ADAMTSL3: variants seen among roughly 807,000 people sequenced by gnomAD.
ADAMTSL3 encodes ADAMTS like 3.
A neutral mutation model predicts 201.7 loss-of-function variants in ADAMTSL3; 128 were observed. That is an observed-to-expected ratio of 0.63 (90% CI 0.55 to 0.73). The LOEUF (loss-of-function observed/expected upper bound fraction) is 0.73. ADAMTSL3 is among the 30% of genes least tolerant of loss of function. ADAMTSL3 has a pLI of 0.00. For missense variants in ADAMTSL3, 1,990 were observed against 2,119.6 expected (o/e 0.94, Z 1.20); for synonymous variants, 738 against 748.4 (o/e 0.99, Z 0.23).
At chr15:83,673,152 T>C (rs1432369146) in intron 2 of ADAMTSL3, among the ~76,000 whole-genome samples, 1 of 152,252 alleles carries the variant, frequency 6.6e-6, no homozygotes, top group Admixed American at 6.5e-5. Context: ...GTGAGAGGGC[T>C]GTTCACCTAG....
At chr15:84,016,869 C>G (rs1340343340) in intron 25 of ADAMTSL3, among the ~76,000 whole-genome samples, 2 of 152,008 alleles carry the variant, frequency 1.3e-5, no homozygotes, top group African/African-American at 4.8e-5. Context: ...TTTTTCAAGA[C>G]ATAGTTTTCC....
At chr15:83,687,475 A>G (rs914560516) in intron 2 of ADAMTSL3, among the ~76,000 whole-genome samples, 1 of 152,140 alleles carries the variant, frequency 6.6e-6, no homozygotes, top group African/African-American at 2.4e-5. Flanking sequence ...TGAACAGTGC[A>G]GCTCTTAGGA....
intron 19 of ADAMTSL3, among the ~76,000 whole-genome samples, chr15:83,958,271 A>G (rs2066896820): frequency 1.3e-5 from 2 of 152,326 alleles, no homozygotes; most frequent in Middle Eastern, 6.8e-3. Flanking sequence ...CCAGAGTGTG[A>G]TTGGTTCCAG....
intron 11 of ADAMTSL3, 53 bp from the exon 12 acceptor site, chr15:83,891,272 TAATG>T (rs1044875684): frequency 3.1e-5 from 42 of 1,362,618 alleles, no homozygotes; most frequent in Non-Finnish European, 4.2e-5. Flanking sequence ...ATTCGTCAAT[TAATG>T]AATGTGTTAA....
intron 3 of ADAMTSL3, among the ~76,000 whole-genome samples, chr15:83,707,480 A>G (rs371712508): frequency 3.9e-5 from 6 of 152,242 alleles, no homozygotes; most frequent in African/African-American, 1.2e-4. Context: ...AAACGCATAC[A>G]TATCTGAAGT....
intron 20 of ADAMTSL3, among the ~76,000 whole-genome samples, chr15:83,980,488 T>C (rs1387999654): frequency 1.3e-5 from 2 of 152,214 alleles, no homozygotes; most frequent in Non-Finnish European, 1.5e-5. Context: ...TTCAAAATTG[T>C]ATTCTAGCCA....
At chr15:83,991,347 C>T (rs1395934740) in intron 23 of ADAMTSL3, 133 bp downstream of exon 23, 20 of 1,316,832 alleles carry the variant, frequency 1.5e-5, no homozygotes, top group Non-Finnish European at 2.1e-5. Flanking sequence ...AAAAGATTTT[C>T]CAGCACACTG....
At chr15:83,863,564 A>T (rs1006778718) in intron 8 of ADAMTSL3, among the ~76,000 whole-genome samples, 17 of 152,228 alleles carry the variant, frequency 1.1e-4, no homozygotes, top group African/African-American at 3.6e-4. Context: ...CTTTGAAACC[A>T]ATGAGAACAA....
At chr15:83,914,851 TTG>T (rs2066002186) in intron 16 of ADAMTSL3, among the ~76,000 whole-genome samples, 1 of 21,998 alleles carries the variant, frequency 4.5e-5, no homozygotes, top group Non-Finnish European at 7.0e-5. Context: ...TTGTTTGGTT[TTG>T]TTTGTTTGTT....
At chr15:83,695,234 G>GGTATA (rs376068496) in intron 2 of ADAMTSL3, among the ~76,000 whole-genome samples, 136 of 660 alleles carry the variant, frequency 0.21, 12 homozygotes, top group Middle Eastern at 0.5. Context: ...TGTAATGTGT[G>GGTATA]TGTGTGTGTG....
chr15:83,793,417 A>G (rs1443004569), intron 4 of ADAMTSL3, among the ~76,000 whole-genome samples: 3 of 152,172 alleles, frequency 2.0e-5, no homozygotes, highest in Non-Finnish European at 2.9e-5. Context: ...TGAAAACATC[A>G]CATATTGTAC....
intron 21 of ADAMTSL3, among the ~76,000 whole-genome samples, chr15:83,985,703 G>C (rs555309648): frequency 1.3e-5 from 2 of 152,072 alleles, no homozygotes; most frequent in Non-Finnish European, 2.9e-5. Context: ...TGGCATCTCA[G>C]CTTACTGCAA....
chr15:84,006,865 G>A (rs2067904348), intron 23 of ADAMTSL3, among the ~76,000 whole-genome samples: 1 of 152,200 alleles, frequency 6.6e-6, no homozygotes, highest in Non-Finnish European at 1.5e-5. Flanking sequence ...CTGTGGGGTA[G>A]GAGAGGGAGT....
At chr15:83,807,712 G>A (rs1163864694) in intron 5 of ADAMTSL3, among the ~76,000 whole-genome samples, 1 of 152,042 alleles carries the variant, frequency 6.6e-6, no homozygotes, top group Non-Finnish European at 1.5e-5. Context: ...AACAAAACTG[G>A]AGGCATCACA....
intron 3 of ADAMTSL3, among the ~76,000 whole-genome samples, chr15:83,728,746 A>G (rs2062220514): frequency 6.6e-6 from 1 of 152,024 alleles, no homozygotes; most frequent in South Asian, 2.1e-4. Context: ...TGATAGGTTC[A>G]TCTTTTAATC....
chr15:83,925,499 A>G (rs2066229322), intron 17 of ADAMTSL3, among the ~76,000 whole-genome samples: 1 of 152,000 alleles, frequency 6.6e-6, no homozygotes, highest in African/African-American at 2.4e-5. Context: ...TCCCACTCCC[A>G]CCCCCAGGTT....
intron 2 of ADAMTSL3, among the ~76,000 whole-genome samples, chr15:83,683,700 T>C (rs2141431844): frequency 6.6e-6 from 1 of 152,308 alleles, no homozygotes; most frequent in South Asian, 2.1e-4. Context: ...TTGTTGCATC[T>C]GGAGTCCCTG....
chr15:83,922,284 T>C (rs925478447), intron 16 of ADAMTSL3, among the ~76,000 whole-genome samples: 4 of 152,202 alleles, frequency 2.6e-5, no homozygotes, highest in African/African-American at 4.8e-5. Context: ...ATTAAACTTA[T>C]AAATTATTTT....
intron 5 of ADAMTSL3, among the ~76,000 whole-genome samples, chr15:83,818,350 A>G (rs79497969): frequency 0.09 from 13,667 of 152,258 alleles, 766 homozygotes; most frequent in Admixed American, 0.18. Context: ...TTTTGGCAAC[A>G]GAGTCTCGCT....
Sources: gnomAD v4.1 joint callset for allele counts (sites outside exome capture counted in the v4.1 genomes callset) on GRCh38, gnomAD v4.1.1 for gene constraint, MANE v1.5 for transcripts, NCBI Gene and HGNC (gene_info 2026-07-23, HGNC 2026-07-21) for gene names.